PRR16: variants seen among roughly 807,000 people sequenced by gnomAD.
The protein encoded by PRR16 is proline rich 16, also known as protein Largen.
Under a neutral mutation model 18.2 loss-of-function variants are expected in PRR16, and 6 were observed. The ratio of observed to expected loss-of-function variants is 0.33; its 90% CI spans 0.18 to 0.65. PRR16 has a LOEUF of 0.65. Among genes scored for constraint, PRR16 ranks in the 30% least tolerant of loss-of-function variants. PRR16 has a pLI of 0.74. For synonymous variants in PRR16, 151 were observed against 147.8 expected, an observed-to-expected ratio of 1.02 and a Z score of -0.16; for missense variants, 412 against 376.6, an observed-to-expected ratio of 1.09 and a Z score of -0.78.
intron 1 of PRR16, among the ~76,000 whole-genome samples, chr5:120,609,248 A>G (rs1419922151): frequency 1.3e-5 from 2 of 152,104 alleles, no homozygotes; most frequent in Non-Finnish European, 2.9e-5. Flanking sequence ...TAAATGTACC[A>G]TTCAGTGGCA....
intron 1 of PRR16, among the ~76,000 whole-genome samples, chr5:120,516,484 GACACACACACACACACAC>G (rs149936115): frequency 1.5e-5 from 2 of 136,456 alleles, no homozygotes. Flanking sequence ...AGGAGGGAAG[GACACACACACACACACAC>G]ACACACACAC....
chr5:120,763,065 T>G, the PRR16 span, among the ~76,000 whole-genome samples: 7 of 152,304 alleles, frequency 4.6e-5, no homozygotes, highest in Admixed American at 2.0e-4. Context: ...TCGGCACCTT[T>G]TACAAAAATC....
chr5:120,762,570 G>A, the PRR16 span, among the ~76,000 whole-genome samples: 4 of 152,174 alleles, frequency 2.6e-5, no homozygotes, highest in Non-Finnish European at 5.9e-5. Context: ...AGCAATCTTG[G>A]CCATTTGTAT....
intron 1 of PRR16, among the ~76,000 whole-genome samples, chr5:120,676,372 G>A (rs770094886): frequency 1.3e-5 from 2 of 152,078 alleles, no homozygotes; most frequent in Non-Finnish European, 2.9e-5. Flanking sequence ...AAATGTATAT[G>A]TGAAGGCGGG....
chr5:120,601,199 T>TAA (rs1158696504), intron 1 of PRR16, among the ~76,000 whole-genome samples: 1 of 151,998 alleles, frequency 6.6e-6, no homozygotes, highest in African/African-American at 2.4e-5. Flanking sequence ...CCAACGTGTA[T>TAA]AAGCATTCCC....
At chr5:120,728,393 T>C in the PRR16 span, among the ~76,000 whole-genome samples, 1 of 151,306 alleles carries the variant, frequency 6.6e-6, no homozygotes, top group South Asian at 2.1e-4. Context: ...AGACAACAAA[T>C]TATTTTTTCT....
At chr5:120,591,438 A>G (rs1753632831) in intron 1 of PRR16, among the ~76,000 whole-genome samples, 1 of 151,998 alleles carries the variant, frequency 6.6e-6, no homozygotes, top group South Asian at 2.1e-4. Context: ...GAGTATATAA[A>G]TGTTTTTTAT....
intron 1 of PRR16, among the ~76,000 whole-genome samples, chr5:120,612,446 G>A (rs887170012): frequency 6.6e-6 from 1 of 152,190 alleles, no homozygotes; most frequent in South Asian, 2.1e-4. Flanking sequence ...CCCCCATGGT[G>A]TGGGAGGGAC....
chr5:120,628,121 C>T (rs1754927972), intron 1 of PRR16, among the ~76,000 whole-genome samples: 2 of 151,968 alleles, frequency 1.3e-5, no homozygotes, highest in Admixed American at 1.3e-4. Flanking sequence ...GGATTGTTCC[C>T]TGAAAGGTTG....
chr5:120,642,467 C>T (rs1415541961), intron 1 of PRR16, among the ~76,000 whole-genome samples: 1 of 151,996 alleles, frequency 6.6e-6, no homozygotes, highest in African/African-American at 2.4e-5. Context: ...TACCTCAGTG[C>T]ATCTGCAGGG....
chr5:120,501,749 G>A (rs985802595), intron 1 of PRR16, among the ~76,000 whole-genome samples: 2 of 151,792 alleles, frequency 1.3e-5, no homozygotes, highest in Non-Finnish European at 2.9e-5. Context: ...AAGGTCAGGA[G>A]ACTGAGACCA....
chr5:120,551,939 A>G (rs1028164788), intron 1 of PRR16, among the ~76,000 whole-genome samples: 1 of 152,008 alleles, frequency 6.6e-6, no homozygotes, highest in Non-Finnish European at 1.5e-5. Context: ...CTCAGGATAT[A>G]CAGAGCATCT....
rs901935809 is a variant in PRR16, at chr5:120,634,759, G to C, written c.160-51195G>C. Among the ~76,000 whole-genome samples, 12 of 152,076 alleles carry C rather than the reference G, an allele frequency of 7.9e-5. 2 individuals carry two copies. Among genetic ancestry groups the C allele is most frequent in the Admixed American group, 7.2e-4 (11 of 15,250 alleles). On this transcript the variant is annotated intron_variant, in intron 1 of 1. Transcript: ENST00000407149. ...CCAGCAGAAGAAAAGAAATAACAAA[G>C]ATCAGAGCAGAACTAAATGAAATTG...
chr5:120,603,979 G>A (rs1025037542), intron 1 of PRR16, among the ~76,000 whole-genome samples: 1 of 151,872 alleles, frequency 6.6e-6, no homozygotes, highest in Non-Finnish European at 1.5e-5. Context: ...TGAGTGTGTG[G>A]TCAATCTTAG....
chr5:120,497,729 AAATG>A, intron 1 of PRR16, among the ~76,000 whole-genome samples: 2 of 152,052 alleles, frequency 1.3e-5, no homozygotes, highest in South Asian at 4.1e-4. Context: ...CTCTCCTCAG[AAATG>A]AACATCATAT....
At chr5:120,509,750 G>A (rs1197948675) in intron 1 of PRR16, among the ~76,000 whole-genome samples, 9 of 152,210 alleles carry the variant, frequency 5.9e-5, no homozygotes, top group African/African-American at 1.7e-4. Context: ...GCCTGAAGTC[G>A]TCAGGTGAAT....
In PRR16 at chr5:120,535,286, G is replaced by A. The variant is rs200226223; in HGVS notation, c.159+70641G>A. ...AAAGGTTTTTAGTCACAAAGAATTT[G>A]TACAGTTAGTAATTGGAATTCTTGT... On this transcript the variant is annotated intron_variant, in intron 1 of 1. Transcript: ENST00000407149. Among the ~76,000 whole-genome samples the A allele has an allele frequency of 1.2e-4, 19 of 152,222 alleles. No individual in the cohort carries two copies. The East Asian group carries it at 3.1e-3, about 25-fold the overall frequency.
chr5:120,627,153 T>C (rs1754893953), intron 1 of PRR16, among the ~76,000 whole-genome samples: 1 of 152,140 alleles, frequency 6.6e-6, no homozygotes, highest in Non-Finnish European at 1.5e-5. Flanking sequence ...GCATTCATTT[T>C]TTATTTCTCC....
the PRR16 span, among the ~76,000 whole-genome samples, chr5:120,746,304 A>T: frequency 1.3e-5 from 2 of 152,028 alleles, no homozygotes; most frequent in Non-Finnish European, 2.9e-5. Context: ...TAGTCCTGTT[A>T]TTGTTCCAGT....
Sources: allele counts gnomAD v4.1 joint callset (sites outside exome capture counted in the v4.1 genomes callset), GRCh38; gene constraint gnomAD v4.1.1; transcripts MANE v1.5; gene names NCBI Gene and HGNC (gene_info 2026-07-23, HGNC 2026-07-21).